TMC6: variants seen among roughly 807,000 people sequenced by gnomAD.
The protein encoded by TMC6 is transmembrane channel-like protein 6.
TMC6 carries 71 observed loss-of-function variants against 95.4 expected under a neutral mutation model. The ratio of observed to expected loss-of-function variants is 0.74; its 90% CI spans 0.61 to 0.91. The LOEUF is 0.91. Ranked by LOEUF, TMC6 falls within the 40% of genes least tolerant of loss-of-function variation. The pLI, the probability that TMC6 is intolerant of heterozygous loss-of-function variation, is 0.00. For missense variants in TMC6, 1,074 were observed against 1,079.1 expected (o/e 1.00, Z 0.07); for synonymous variants, 514 against 483.1 (o/e 1.06, Z -0.84).
intron 1 of TMC6, among the ~76,000 whole-genome samples, chr17:78,127,274 A>G (rs2074766409): frequency 6.6e-6 from 1 of 152,004 alleles, no homozygotes; most frequent in African/African-American, 2.4e-5. Flanking sequence ...TCCTTTTTGG[A>G]GAGAAAGGTC....
chr17:78,128,114 G>A lies in TMC6; in HGVS notation c.-75+498C>T, dbSNP rs1240665917. Among the ~76,000 whole-genome samples the A allele has an allele frequency of 6.6e-6, 1 of 152,238 alleles. No homozygotes were observed. The highest frequency in any genetic ancestry group is 1.5e-5 in the Non-Finnish European group (1 of 68,034). On this transcript the variant is annotated intron_variant, in intron 1 of 19. Transcript: ENST00000590602. The surrounding 1 kb of genome is among the most constrained non-coding windows in gnomAD (Gnocchi z 4.0). ...CCCCGAGGCCCAGGCAAGTCCAGCGGAGTTTCCAGGCGCACCATTCCTGAG... is the reference window on the plus strand; with the variant it reads ...CCCCGAGGCCCAGGCAAGTCCAGCGAAGTTTCCAGGCGCACCATTCCTGAG...
rs1598811385 is a variant in TMC6 at position 78,112,363 on chromosome 17, C to T, written c.*785G>A. On this transcript the variant is annotated 3_prime_UTR_variant, in exon 20 of 20. Transcript: ENST00000590602. ...GTCATGACGGGCTGGTCCCCGAATC[C>T]CTGTGCCCACCCCCCACAGCCTACG... is the stretch of plus-strand genomic sequence containing the variant. The T allele has an allele frequency of 1.0e-5, 2 of 195,114 alleles. No homozygotes were observed. The highest frequency in any genetic ancestry group is 3.6e-4 in the East Asian group (2 of 5,608). 12.1% of individuals were successfully genotyped at this position (195,114 alleles called of 1,614,324 possible).
rs775535644 is a variant in TMC6, at chr17:78,126,750, TCCAGCCC to T, written c.56+20_56+26del. The T allele has an allele frequency of 8.7e-6, 14 of 1,612,510 alleles. No individual in the cohort carries two copies. Among genetic ancestry groups the T allele is most frequent in the Non-Finnish European group, 1.0e-5 (12 of 1,179,498 alleles). ...CCGTGGGGGGTGGAACATTCCAGCC[TCCAGCCC>T]CCAGCCCCAGAGCGCTTACCCCTGG... On this transcript the variant is annotated intron_variant, in intron 2 of 19. Coordinates refer to ENST00000590602, the MANE Select transcript of TMC6 (RefSeq NM_001127198.5).
At chr17:78,131,898 G>T (rs1044475107), upstream of TMC6, 4 of 1,469,504 alleles carry the variant, frequency 2.7e-6, no homozygotes, top group South Asian at 4.1e-5. Context: ...GCGGGAGCCC[G>T]CGGGGGTGCA....
rs1340335830 is a variant in TMC6 at position 78,122,543 on chromosome 17, G to A, written c.1227+62C>T. 1.3e-6 allele frequency: 2 copies of A among 1,597,196 alleles called. No individual in the cohort carries two copies. The highest frequency in any genetic ancestry group is 4.5e-5 in the East Asian group (2 of 44,830). On this transcript the variant is annotated intron_variant, in intron 10 of 19. Coordinates refer to ENST00000590602, the MANE Select transcript of TMC6 (RefSeq NM_001127198.5). The surrounding 1 kb of genome is among the most constrained non-coding windows in gnomAD (Gnocchi z 4.9). ...TGGTTCTGGTCACATGGTCCTAAGT[G>A]GACCCAGGGCCAGGCCTGCAGGGAG...
chr17:78,125,410 C>T (rs963854578), intron 5 of TMC6, 147 bp from the exon 6 acceptor site: 9 of 820,842 alleles, frequency 1.1e-5, no homozygotes, highest in Admixed American at 2.0e-5. Flanking sequence ...GCCAATCAGC[C>T]GTGTGTTTGC....
intron 18 of TMC6, among the ~76,000 whole-genome samples, chr17:78,116,950 T>G (rs138102933): frequency 6.6e-6 from 1 of 152,076 alleles, no homozygotes; most frequent in Non-Finnish European, 1.5e-5. Flanking sequence ...GAAGAGTCCA[T>G]AGGGACCCAA....
upstream of TMC6, chr17:78,132,048 C>A: frequency 8.5e-6 from 13 of 1,534,674 alleles, no homozygotes; most frequent in Non-Finnish European, 1.1e-5. Flanking sequence ...CCGCGCGACC[C>A]GCACCTCCCC....
chr17:78,124,719 G>T lies in TMC6; in HGVS notation c.696C>A (p.Tyr232Ter), dbSNP rs375113408. The change falls in exon 8 of 20, where the codon TAC becomes TAA. Residue 232 changes from tyrosine (Y) to a stop codon, truncating the protein, a stop_gained. Transcript: ENST00000590602. LOFTEE classifies it high-confidence loss of function. Reference protein sequence around the residue: ...SALQALMPWRYALKRIGGQFG... With the variant: ...SALQALMPWR ...ACTGGCCCCCGATGCGCTTCAGGGC[G>T]TAGCGCCACGGCATCAGGGCCTGCA... 1 of 1,592,582 alleles carries T rather than the reference G, an allele frequency of 6.3e-7. No individual in the cohort carries two copies. The highest frequency in any genetic ancestry group is 8.5e-7 in the Non-Finnish European group (1 of 1,170,094).
chr17:78,120,839 A>C lies in TMC6; in HGVS notation c.1536-7T>G. Reference sequence around the variant, plus strand: ...CAGCTTGAGGATGAGGTTCCTGCGGAGGGCGGGGTGCAAAGGCTGAGGGGC... The same window carrying C: ...CAGCTTGAGGATGAGGTTCCTGCGGCGGGCGGGGTGCAAAGGCTGAGGGGC... On this transcript the variant is annotated splice_region_variant and splice_polypyrimidine_tract_variant and intron_variant, in intron 12 of 19. Transcript: ENST00000590602. 1 of 1,611,592 alleles carries C rather than the reference A, an allele frequency of 6.2e-7. No homozygotes were observed. Among genetic ancestry groups the C allele is most frequent in the Non-Finnish European group, 8.5e-7 (1 of 1,178,632 alleles).
Position 78,126,351 on chromosome 17 carries a change from G to A in TMC6, c.197C>T (p.Thr66Ile), listed in dbSNP as rs1409766679. The change falls in exon 4 of 20, where the codon ACA (threonine) becomes ATA (isoleucine). Residue 66 changes from threonine (T) to isoleucine (I), a missense_variant. By Grantham distance (89) the Thr-to-Ile change is moderately conservative (BLOSUM62 -1). Transcript: ENST00000590602. The stretch of plus-strand genomic sequence containing the variant: ...CTGGGTGCCCTCGGGCCGCCAGAGT[G>A]TCTGCTGGCTACTTCCTACAAAGCA... ...EREVTGSSQQ[T>I]LWRPEGTQST... is the part of the protein sequence containing the mutation. 1.9e-6 allele frequency: 3 copies of A among 1,587,606 alleles called. No individual in the cohort carries two copies. Among genetic ancestry groups the A allele is most frequent in the Non-Finnish European group, 2.6e-6 (3 of 1,171,984 alleles).
Position 78,113,105 on chromosome 17 carries a change from T to C in TMC6, c.*43A>G. ...GGGTCACTGGGAGGCAACAGTGTGG[T>C]CTCAGGGTGCTGGGCGGGCCCGTGA... is the stretch of plus-strand genomic sequence containing the variant. On this transcript the variant is annotated 3_prime_UTR_variant, in exon 20 of 20. Coordinates refer to ENST00000590602, the MANE Select transcript of TMC6 (RefSeq NM_001127198.5). 6.5e-7 allele frequency: 1 copy of C among 1,547,972 alleles called. No individual in the cohort carries two copies. The highest frequency in any genetic ancestry group is 8.7e-7 in the Non-Finnish European group (1 of 1,144,732).
rs558923350 is a variant in TMC6, at chr17:78,123,787, G to A, written c.1082+202C>T. ...TGAGTGGGTGGATGGGTGGGTGGATGGATGAATGGGTGGATGGGTGGGTAG... is the reference window on the plus strand; with the variant it reads ...TGAGTGGGTGGATGGGTGGGTGGATAGATGAATGGGTGGATGGGTGGGTAG... On this transcript the variant is annotated intron_variant, in intron 9 of 19. Transcript: ENST00000590602. Among the ~76,000 whole-genome samples, 3 of 151,686 alleles carry A rather than the reference G, an allele frequency of 2.0e-5. No individual in the cohort carries two copies. In the South Asian group the frequency reaches 6.2e-4, roughly 32 times the overall value.
In TMC6 at chr17:78,110,069, GA is replaced by G. The variant is rs10715213; in HGVS notation, c.*3078del. 0.018 allele frequency: 2,351 copies of G among 132,480 alleles called. 46 individuals carry two copies. The highest frequency in any genetic ancestry group is 0.056 in the African/African-American group (2,009 of 35,990). 8.2% of individuals were successfully genotyped at this position (132,480 alleles called of 1,614,324 possible). A position where few individuals can be genotyped will look rare whatever the true frequency, so the allele number is the denominator to read the frequency against. On this transcript the variant is annotated 3_prime_UTR_variant, in exon 20 of 20. Coordinates refer to ENST00000590602, the MANE Select transcript of TMC6 (RefSeq NM_001127198.5). ...GAACAAGAGTGAAACTCCATTCCAA[GA>G]AAAAAAAAAAAAATTCACATCCAAA...
rs556586979 is a variant in TMC6, at chr17:78,118,902, C to T, written c.1887+69G>A. On this transcript the variant is annotated intron_variant, in intron 15 of 19. Transcript: ENST00000590602. ...GGGTTCTAGTGTCCCAGGCTCTGCC[C>T]AGCTGAGTCCTGCCCCCACTGCCGG... is the stretch of plus-strand genomic sequence containing the variant. 4.9e-4 allele frequency: 744 copies of T among 1,508,308 alleles called. 7 individuals carry two copies. In the African/African-American group the frequency reaches 8.8e-3, roughly 18 times the overall value. 93.4% of individuals were successfully genotyped at this position (1,508,308 alleles called of 1,614,324 possible). A position where few individuals can be genotyped will look rare whatever the true frequency, so the allele number is the denominator to read the frequency against.
At chr17:78,124,342 G>A in intron 8 of TMC6, 163 bp from the exon 9 acceptor site, 2 of 1,329,740 alleles carry the variant, frequency 1.5e-6, no homozygotes, top group East Asian at 2.5e-5. Context: ...AGCCCCATGG[G>A]AACCCCAGCA....
intron 5 of TMC6, 98 bp downstream of exon 5, chr17:78,125,628 C>A: frequency 6.6e-7 from 1 of 1,505,552 alleles, no homozygotes; most frequent in Non-Finnish European, 8.9e-7. Context: ...GGGCCTCTGG[C>A]TCTGCAGCAC....
At chr17:78,131,362 T>G (rs920735920), upstream of TMC6, 3 of 625,176 alleles carry the variant, frequency 4.8e-6, no homozygotes, top group Non-Finnish European at 8.3e-6. Context: ...AGCAGGATTC[T>G]CTCTCATTTC....
At position 78,111,823 on chromosome 17, in the gene TMC6, C is replaced by T. The variant is rs1323894117; in HGVS notation, c.*1325G>A. 2 of 202,808 alleles carry T rather than the reference C, an allele frequency of 9.9e-6. No homozygotes were observed. Among genetic ancestry groups the T allele is most frequent in the Admixed American group, 6.0e-5 (1 of 16,702 alleles). The allele number at this position is 202,808 out of a possible 1,614,324, so 12.6% of individuals were successfully genotyped here. A position where few individuals can be genotyped will look rare whatever the true frequency, so the allele number is the denominator to read the frequency against. ...CTGGGTTCATTCCCCCAATCCCAAGCGCAGCTCCTGCAGGCCTGGAGCCCT... is the reference window on the plus strand; with the variant it reads ...CTGGGTTCATTCCCCCAATCCCAAGTGCAGCTCCTGCAGGCCTGGAGCCCT... On this transcript the variant is annotated 3_prime_UTR_variant, in exon 20 of 20. Coordinates refer to ENST00000590602, the MANE Select transcript of TMC6 (RefSeq NM_001127198.5).
Sources: allele counts gnomAD v4.1 joint callset (sites outside exome capture counted in the v4.1 genomes callset), GRCh38; gene constraint gnomAD v4.1.1; non-coding constraint Gnocchi (gnomAD v3.1); transcripts MANE v1.5; gene names NCBI Gene and HGNC (gene_info 2026-07-23, HGNC 2026-07-21).